Variants in UVRAG observed in about 807,000 individuals in gnomAD.
UVRAG encodes UV radiation resistance-associated gene protein.
UVRAG carries 19 observed loss-of-function variants against 78.0 expected under a neutral mutation model. That is an observed-to-expected ratio of 0.24 (90% CI 0.17 to 0.36). The LOEUF (loss-of-function observed/expected upper bound fraction) is 0.36. Among genes scored for constraint, UVRAG ranks in the 10% least tolerant of loss-of-function variants. UVRAG has a pLI of 1.00. For synonymous variants in UVRAG, 323 were observed against 324.6 expected (o/e 1.00, Z 0.05); for missense variants, 740 against 853.8 (o/e 0.87, Z 1.66).
intron 14 of UVRAG, among the ~76,000 whole-genome samples, chr11:76,124,454 G>GC (rs1424417192): frequency 6.6e-6 from 1 of 152,116 alleles, no homozygotes; most frequent in African/African-American, 2.4e-5. Context: ...ACAACCTGAG[G>GC]CCCATCATTA....
intron 12 of UVRAG, among the ~76,000 whole-genome samples, chr11:76,055,314 C>T (rs987042304): frequency 6.6e-6 from 1 of 152,210 alleles, no homozygotes; most frequent in Non-Finnish European, 1.5e-5. Flanking sequence ...CCCCAAAGTG[C>T]TGAGATTATA....
intron 6 of UVRAG, among the ~76,000 whole-genome samples, chr11:75,943,318 T>A (rs76881240): frequency 8.6e-4 from 129 of 150,808 alleles, no homozygotes; most frequent in African/African-American, 2.6e-3. Context: ...TTTTTTTTTT[T>A]AAATTTATTG....
chr11:75,970,584 T>C (rs1036984122), intron 7 of UVRAG, among the ~76,000 whole-genome samples: 1 of 151,814 alleles, frequency 6.6e-6, no homozygotes, highest in Admixed American at 6.6e-5. Context: ...TACAAAAAAA[T>C]TAGCCGGGCG....
chr11:75,837,227 T>G (rs1337031619), intron 1 of UVRAG, among the ~76,000 whole-genome samples: 1 of 150,038 alleles, frequency 6.7e-6, no homozygotes, highest in Non-Finnish European at 1.5e-5. Context: ...CTCAGGAGGC[T>G]GAGGCAGGAG....
intron 6 of UVRAG, among the ~76,000 whole-genome samples, chr11:75,940,281 G>C (rs1948458796): frequency 6.6e-6 from 1 of 152,112 alleles, no homozygotes; most frequent in South Asian, 2.1e-4. Context: ...TGAATTAAAA[G>C]ACTTCTAAAA....
In UVRAG at chr11:75,815,231, C is replaced by T; in HGVS notation, c.-177C>T. On this transcript the variant is annotated 5_prime_UTR_variant, in exon 1 of 15. Transcript: ENST00000356136. ...CTGCGGTAATATGGCTCTTCCTTAG[C>T]CAGCGGCGGCAACGGCGGCAGCGGC... 4 of 445,402 alleles carry T rather than the reference C, an allele frequency of 9.0e-6. No individual in the cohort carries two copies. Among genetic ancestry groups the T allele is most frequent in the South Asian group, 4.8e-5 (1 of 20,838 alleles). 27.6% of individuals were successfully genotyped at this position (445,402 alleles called of 1,614,324 possible).
intron 3 of UVRAG, among the ~76,000 whole-genome samples, chr11:75,864,828 T>C (rs1324637642): frequency 6.6e-6 from 1 of 152,260 alleles, no homozygotes; most frequent in Non-Finnish European, 1.5e-5. Context: ...ATTTTCACTC[T>C]GGTGAACTAA....
At chr11:75,900,645 G>A (rs1590994284) in intron 5 of UVRAG, among the ~76,000 whole-genome samples, 1 of 152,048 alleles carries the variant, frequency 6.6e-6, no homozygotes, top group South Asian at 2.1e-4. Flanking sequence ...CTTAAGGGAC[G>A]GCTACTTCAG....
At chr11:76,109,267 G>A (rs940263607) in intron 13 of UVRAG, among the ~76,000 whole-genome samples, 1 of 152,168 alleles carries the variant, frequency 6.6e-6, no homozygotes, top group Non-Finnish European at 1.5e-5. Context: ...AGAGACAAGA[G>A]TACTTCAGTC....
intron 12 of UVRAG, among the ~76,000 whole-genome samples, chr11:76,063,660 C>T (rs980812830): frequency 6.6e-6 from 1 of 152,000 alleles, no homozygotes; most frequent in African/African-American, 2.4e-5. Context: ...TGTATTGAAT[C>T]TTCATAGGAA....
At chr11:76,082,559 A>C (rs1020855028) in intron 13 of UVRAG, among the ~76,000 whole-genome samples, 2 of 150,710 alleles carry the variant, frequency 1.3e-5, no homozygotes. Flanking sequence ...AAAAAAAAAA[A>C]CATAGGTAAC....
rs115027200 is a variant in UVRAG at position 76,125,071 on chromosome 11, G to C, written c.1397+9056G>C. On this transcript the variant is annotated intron_variant, in intron 14 of 14. Coordinates refer to ENST00000356136, the MANE Select transcript of UVRAG (RefSeq NM_003369.4). Reference sequence around the variant, plus strand: ...CCTTTCTGTCCATCATCCTTATGCTGAATTCAGAACTGAAATCTGGCAGAT... The same window carrying C: ...CCTTTCTGTCCATCATCCTTATGCTCAATTCAGAACTGAAATCTGGCAGAT... Among the ~76,000 whole-genome samples the C allele has an allele frequency of 4.2e-3, 633 of 152,244 alleles. 3 individuals carry two copies. The highest frequency in any genetic ancestry group is 0.015 in the African/African-American group (603 of 41,518).
intron 11 of UVRAG, among the ~76,000 whole-genome samples, chr11:76,013,377 A>G (rs914210298): frequency 6.6e-6 from 1 of 152,252 alleles, no homozygotes; most frequent in Admixed American, 6.5e-5. Context: ...TCTTTTTCAC[A>G]TACCTGAGTC....
At position 76,143,199 on chromosome 11, in the gene UVRAG, C is replaced by T. The variant is rs1952753647; in HGVS notation, c.*1786C>T. 1 of 152,018 alleles carries T rather than the reference C, an allele frequency of 6.6e-6. No individual in the cohort carries two copies. The highest frequency in any genetic ancestry group is 2.4e-5 in the African/African-American group (1 of 41,320). The allele number at this position is 152,018 out of a possible 1,614,324, so 9.4% of individuals were successfully genotyped here. ...CATTTACCAAAAAAAAAGAAAAGTTCTGAAGGGCAGTGTTAGGATTGCAGA... is the reference window on the plus strand; with the variant it reads ...CATTTACCAAAAAAAAAGAAAAGTTTTGAAGGGCAGTGTTAGGATTGCAGA... On this transcript the variant is annotated 3_prime_UTR_variant, in exon 15 of 15. Coordinates refer to ENST00000356136, the MANE Select transcript of UVRAG (RefSeq NM_003369.4).
At chr11:75,902,813 G>A (rs1250422135) in intron 5 of UVRAG, among the ~76,000 whole-genome samples, 2 of 152,062 alleles carry the variant, frequency 1.3e-5, no homozygotes, top group Non-Finnish European at 2.9e-5. Flanking sequence ...TTCCCAAAGG[G>A]CTGGGTCACT....
intron 4 of UVRAG, among the ~76,000 whole-genome samples, chr11:75,881,215 G>A (rs1373026492): frequency 6.6e-6 from 1 of 152,150 alleles, no homozygotes; most frequent in Non-Finnish European, 1.5e-5. Context: ...ATTTTGCCAA[G>A]ATAGGATGTG....
Position 75,888,836 on chromosome 11 carries a change from C to A in UVRAG, c.440C>A (p.Ala147Asp). Reference sequence around the variant, plus strand: ...ATTTTCCTCCTCTCTTAGATTCATGCCCGAAACCAAAATGAAATAATTTTT... The same window carrying A: ...ATTTTCCTCCTCTCTTAGATTCATGACCGAAACCAAAATGAAATAATTTTT... ...GLKYLGQQIH[A>D]RNQNEIIFGL... The change falls in exon 5 of 15, where the codon GCC (alanine) becomes GAC (aspartate). Residue 147 changes from alanine (A) to aspartate (D), a missense_variant. Physicochemically the swap from Ala to Asp is moderately radical, Grantham distance 126. Coordinates refer to ENST00000356136, the MANE Select transcript of UVRAG (RefSeq NM_003369.4). 6.2e-7 allele frequency: 1 copy of A among 1,612,940 alleles called. No homozygotes were observed. Among genetic ancestry groups the A allele is most frequent in the Non-Finnish European group, 8.5e-7 (1 of 1,179,456 alleles).
intron 7 of UVRAG, among the ~76,000 whole-genome samples, chr11:75,969,397 G>C (rs1949084330): frequency 6.6e-6 from 1 of 152,128 alleles, no homozygotes; most frequent in African/African-American, 2.4e-5. Flanking sequence ...TTTATTGATA[G>C]ACACTGGGTT....
chr11:76,020,649 CTTTTTTTTTTTTT>C (rs35112254), intron 12 of UVRAG, among the ~76,000 whole-genome samples: 1 of 52,250 alleles, frequency 1.9e-5, no homozygotes, highest in African/African-American at 7.5e-5. Context: ...AAGAAGGAGT[CTTTTTTTTTTTTT>C]TTTTTTTTTT....
Sources: allele counts gnomAD v4.1 joint callset (sites outside exome capture counted in the v4.1 genomes callset), GRCh38; gene constraint gnomAD v4.1.1; transcripts MANE v1.5; gene names NCBI Gene and HGNC (gene_info 2026-07-23, HGNC 2026-07-21).